The following TANK variants were observed in gnomAD, a reference collection of about 807,000 sequenced individuals.
TANK encodes the protein TRAF family member associated NFKB activator, also known as TRAF family member-associated NF-kappa-B activator.
TANK carries 15 observed loss-of-function variants against 43.6 expected under a neutral mutation model. That is an observed-to-expected ratio of 0.34 (90% CI 0.23 to 0.53). The LOEUF is 0.53. Ranked by LOEUF, TANK falls within the 20% of genes least tolerant of loss-of-function variation. TANK has a pLI of 0.94. For missense variants in TANK, 417 were observed against 498.6 expected, an observed-to-expected ratio of 0.84 and a Z score of 1.56; for synonymous variants, 162 against 178.2, an observed-to-expected ratio of 0.91 and a Z score of 0.73.
intron 1 of TANK, among the ~76,000 whole-genome samples, chr2:161,172,374 T>TTTTTTTTTTTG (rs368206022): frequency 7.6e-6 from 1 of 131,236 alleles, no homozygotes. Context: ...TTTTTTTTTT[T>TTTTTTTTTTTG]GGGGGTAAAA....
intron 4 of TANK, among the ~76,000 whole-genome samples, chr2:161,217,000 T>A (rs1687145255): frequency 1.3e-5 from 2 of 152,248 alleles, no homozygotes; most frequent in Admixed American, 6.5e-5. Flanking sequence ...AACATTTGTA[T>A]ACAGGTTTCT....
intron 1 of TANK, among the ~76,000 whole-genome samples, chr2:161,146,771 T>C (rs1683922422): frequency 1.3e-5 from 2 of 152,220 alleles, no homozygotes; most frequent in African/African-American, 2.4e-5. Context: ...GGGTGTCTGA[T>C]GACCCCTGTT....
At chr2:161,206,055 G>A (rs1194606866) in intron 4 of TANK, among the ~76,000 whole-genome samples, 1 of 152,028 alleles carries the variant, frequency 6.6e-6, no homozygotes, top group African/African-American at 2.4e-5. Context: ...TTAGAAAAAC[G>A]ATCACCTCTA....
At chr2:161,147,101 G>T (rs1218521162) in intron 1 of TANK, among the ~76,000 whole-genome samples, 1 of 152,066 alleles carries the variant, frequency 6.6e-6, no homozygotes. Flanking sequence ...GGGTCTGGCC[G>T]CAGTTTGCCA....
intron 2 of TANK, among the ~76,000 whole-genome samples, chr2:161,181,852 G>T (rs544044170): frequency 7.9e-5 from 12 of 152,116 alleles, no homozygotes; most frequent in Middle Eastern, 3.4e-3. Context: ...ACAGCCTCAG[G>T]CCTGCTGTGT....
intron 1 of TANK, among the ~76,000 whole-genome samples, chr2:161,167,040 A>G (rs1384909809): frequency 1.3e-5 from 2 of 152,186 alleles, no homozygotes; most frequent in East Asian, 1.9e-4. Flanking sequence ...GTCTCTCACC[A>G]CAAGTGTGAA....
chr2:161,139,660 C>G, intron 1 of TANK: 1 of 983,656 alleles, frequency 1.0e-6, no homozygotes, highest in Non-Finnish European at 1.2e-6. Context: ...CACGTTTCCT[C>G]TTTTTCTCTC....
At position 161,224,725 on chromosome 2, in the gene TANK, A is replaced by G; in HGVS notation, c.499A>G (p.Asn167Asp). 6.4e-7 allele frequency: 1 copy of G among 1,565,792 alleles called. No individual in the cohort carries two copies. The highest frequency in any genetic ancestry group is 1.2e-5 in the South Asian group (1 of 82,214). ...KAQKDHLSKL[N>D]IPDTATETQC... Reference sequence around the variant, plus strand: ...ACAGAAAGACCACTTAAGCAAACTTAATATACCAGACACTGCAACTGGTAA... The same window carrying G: ...ACAGAAAGACCACTTAAGCAAACTTGATATACCAGACACTGCAACTGGTAA... The change falls in exon 6 of 8, where the codon AAT (asparagine) becomes GAT (aspartate). Residue 167 changes from asparagine (N) to aspartate (D), a missense_variant. Coordinates refer to ENST00000392749, the MANE Select transcript of TANK (RefSeq NM_001199135.3).
intron 2 of TANK, among the ~76,000 whole-genome samples, chr2:161,181,847 C>T (rs1384194741): frequency 3.3e-5 from 5 of 152,068 alleles, no homozygotes; most frequent in East Asian, 1.9e-4. Context: ...AGATAACAGC[C>T]TCAGGCCTGC....
chr2:161,226,712 A>G (rs1687634429), intron 6 of TANK, among the ~76,000 whole-genome samples: 1 of 152,142 alleles, frequency 6.6e-6, no homozygotes, highest in African/African-American at 2.4e-5. Flanking sequence ...CTACTCATCT[A>G]CATATGGCAG....
At chr2:161,158,816 A>C (rs1304232340), upstream of TANK, among the ~76,000 whole-genome samples, 1 of 152,266 alleles carries the variant, frequency 6.6e-6, no homozygotes. Context: ...CTGATAAAGG[A>C]CTTATCAAAA....
intron 6 of TANK, among the ~76,000 whole-genome samples, chr2:161,227,862 G>A (rs1345101281): frequency 6.6e-6 from 1 of 152,170 alleles, no homozygotes; most frequent in Non-Finnish European, 1.5e-5. Flanking sequence ...CAGGGAAAAT[G>A]ACTACTCGAG....
Position 161,235,713 on chromosome 2 carries a change from A to G in TANK, c.*195A>G. On this transcript the variant is annotated 3_prime_UTR_variant, in exon 8 of 8. Transcript: ENST00000392749. Reference sequence around the variant, plus strand: ...CATTCTGTTCTTTCAAGGAGAAATAAGCCTAAAAGAAGAAAAACAAAAAAA... The same window carrying G: ...CATTCTGTTCTTTCAAGGAGAAATAGGCCTAAAAGAAGAAAAACAAAAAAA... 1 of 447,952 alleles carries G rather than the reference A, an allele frequency of 2.2e-6. No individual in the cohort carries two copies. The highest frequency in any genetic ancestry group is 3.8e-6 in the Non-Finnish European group (1 of 265,732). The allele number at this position is 447,952 out of a possible 1,614,324, so 27.7% of individuals were successfully genotyped here. A position where few individuals can be genotyped will look rare whatever the true frequency, so the allele number is the denominator to read the frequency against.
chr2:161,227,663 C>G (rs528448083), intron 6 of TANK, among the ~76,000 whole-genome samples: 1 of 152,326 alleles, frequency 6.6e-6, no homozygotes, highest in Non-Finnish European at 1.5e-5. Flanking sequence ...GCAGCAGCAG[C>G]AGCAGATTCT....
chr2:161,227,169 T>A (rs1454435126), intron 6 of TANK: 1 of 152,254 alleles, frequency 6.6e-6, no homozygotes, highest in African/African-American at 2.4e-5. Flanking sequence ...TAAATTTTTT[T>A]AATAGATATT....
At chr2:161,209,972 T>TAA (rs1164785610) in intron 4 of TANK, among the ~76,000 whole-genome samples, 22 of 152,346 alleles carry the variant, frequency 1.4e-4, no homozygotes, top group Middle Eastern at 3.4e-3. Flanking sequence ...CTCATGTCTA[T>TAA]ATATTTCTAA....
upstream of TANK, chr2:161,160,103 TGTTATTTATTTACTG>T (rs894777249): frequency 1.5e-5 from 4 of 272,534 alleles, no homozygotes; most frequent in African/African-American, 6.5e-5. Flanking sequence ...TATAGGGTGA[TGTTATTTATTTACTG>T]GTTATTTATT....
chr2:161,218,027 CT>C lies in TANK; in HGVS notation c.328-5887del, dbSNP rs542346521. Among the ~76,000 whole-genome samples, 606 of 152,230 alleles carry C rather than the reference CT, an allele frequency of 4.0e-3. 3 individuals are homozygous for C. Among genetic ancestry groups the C allele is most frequent in the African/African-American group, 0.013 (557 of 41,534 alleles). ...ACTTCTATGCCAAGTTTGAGAAATA[CT>C]ATGAAATTTTGTCAAAGAAAATACT... On this transcript the variant is annotated intron_variant, in intron 4 of 7. Transcript: ENST00000392749.
chr2:161,139,001 G>C lies in TANK; in HGVS notation c.-50+1938G>C, dbSNP rs532389306. 9.3e-4 allele frequency among the ~76,000 whole-genome samples: 141 copies of C among 152,192 alleles called. No homozygotes were observed. The South Asian group carries it at 0.011, about 11-fold the overall frequency. The stretch of plus-strand genomic sequence containing the variant: ...GTGTGTGTAGTAAAGGTACTTGATA[G>C]GGATATTCTTTCCACTATATTTTCT... On this transcript the variant is annotated intron_variant, in intron 1 of 7. Transcript: ENST00000259075.
Sources: gnomAD v4.1 joint callset for allele counts (sites outside exome capture counted in the v4.1 genomes callset) on GRCh38, gnomAD v4.1.1 for gene constraint, MANE v1.5 for transcripts, NCBI Gene and HGNC (gene_info 2026-07-23, HGNC 2026-07-21) for gene names.